The following CFAP299 variants were observed in gnomAD, a reference collection of about 807,000 sequenced individuals.
CFAP299 encodes the protein cilia and flagella associated protein 299.
A neutral mutation model predicts 27.0 loss-of-function variants in CFAP299; 21 were observed. The observed-to-expected ratio is 0.78, with a 90% CI of 0.55 to 1.12. CFAP299 has a LOEUF of 1.12. CFAP299 is among the 50% of genes most tolerant of loss of function. The probability of loss-of-function intolerance (pLI) is 0.00; values close to 1 mark genes in which losing one functional copy is unlikely to be tolerated. For synonymous variants in CFAP299, 104 were observed against 98.1 expected, an observed-to-expected ratio of 1.06 and a Z score of -0.36; for missense variants, 310 against 276.6, an observed-to-expected ratio of 1.12 and a Z score of -0.86.
intron 3 of CFAP299, among the ~76,000 whole-genome samples, chr4:80,622,678 T>G (rs1310253455): frequency 6.6e-6 from 1 of 152,110 alleles, no homozygotes; most frequent in African/African-American, 2.4e-5. Flanking sequence ...AGTGAAAGAT[T>G]AAAAAATTAA....
At position 80,370,714 on chromosome 4, in the gene CFAP299, G is replaced by C. The variant is rs377363274; in HGVS notation, c.242+7830G>C. On this transcript the variant is annotated intron_variant, in intron 2 of 5. Transcript: ENST00000358105. The stretch of plus-strand genomic sequence containing the variant: ...TTACATCCAGGGCATGCTGATGCAA[G>C]GGGGGCTCCCAAGGCCTTGAGCAGC... Among the ~76,000 whole-genome samples, 34 of 152,338 alleles carry C rather than the reference G, an allele frequency of 2.2e-4. 1 individual carries two copies. The highest frequency in any genetic ancestry group is 6.5e-4 in the Admixed American group (10 of 15,306).
rs368268320 is a variant in CFAP299 at position 80,578,448 on chromosome 4, G to A, written c.243-4645G>A. On this transcript the variant is annotated intron_variant, in intron 2 of 5. Coordinates refer to ENST00000358105, the MANE Select transcript of CFAP299 (RefSeq NM_152770.3). The stretch of plus-strand genomic sequence containing the variant: ...TGCTTCGGATAGCTTTGGAGCCAAA[G>A]ATCCTTATCCTCTCTGTCCCAAATT... Among the ~76,000 whole-genome samples the A allele has an allele frequency of 1.2e-4, 18 of 152,212 alleles. No homozygotes were observed. The East Asian group carries it at 3.5e-3, about 29-fold the overall frequency.
At chr4:80,628,571 C>T (rs988320249) in intron 3 of CFAP299, among the ~76,000 whole-genome samples, 2 of 152,100 alleles carry the variant, frequency 1.3e-5, no homozygotes, top group African/African-American at 2.4e-5. Flanking sequence ...AAAATGTTTG[C>T]AAACTGTATA....
Position 80,764,326 on chromosome 4 carries a change from G to A in CFAP299, c.334-105667G>A, listed in dbSNP as rs1157879253. Among the ~76,000 whole-genome samples the A allele has an allele frequency of 7.2e-5, 11 of 152,120 alleles. No homozygotes were observed. The East Asian group carries it at 9.7e-4, about 13-fold the overall frequency. On this transcript the variant is annotated intron_variant, in intron 3 of 5. Transcript: ENST00000358105. ...ACTTCTCAAAAGAAGACATTTATGC[G>A]GCCAACAAACATGAAAAAAAGCTCA...
chr4:80,771,733 C>T (rs1726227937), intron 3 of CFAP299, among the ~76,000 whole-genome samples: 1 of 152,074 alleles, frequency 6.6e-6, no homozygotes, highest in Non-Finnish European at 1.5e-5. Flanking sequence ...TAAGGTGGCC[C>T]CTCCAGCCCC....
chr4:80,591,155 G>T (rs1383488602), intron 3 of CFAP299, among the ~76,000 whole-genome samples: 1 of 118,344 alleles, frequency 8.4e-6, no homozygotes, highest in African/African-American at 3.1e-5. Context: ...ACGGAGTCTC[G>T]CTCTGTCGCC....
At chr4:80,645,566 T>C in intron 3 of CFAP299, among the ~76,000 whole-genome samples, 1 of 152,090 alleles carries the variant, frequency 6.6e-6, no homozygotes, top group East Asian at 1.9e-4. Context: ...AACACACACA[T>C]ATTTACCCTA....
chr4:80,825,702 G>A (rs1340396141), intron 3 of CFAP299, among the ~76,000 whole-genome samples: 3 of 152,002 alleles, frequency 2.0e-5, no homozygotes, highest in Non-Finnish European at 2.9e-5. Flanking sequence ...CAAAAGCAGA[G>A]GGAGCTTATT....
intron 2 of CFAP299, among the ~76,000 whole-genome samples, chr4:80,432,767 C>A (rs1237613082): frequency 1.3e-5 from 2 of 151,854 alleles, no homozygotes; most frequent in African/African-American, 2.4e-5. Flanking sequence ...TCTAATCCAC[C>A]CACCTCGGCC....
At chr4:80,618,375 A>G (rs1324068604) in intron 3 of CFAP299, among the ~76,000 whole-genome samples, 1 of 152,156 alleles carries the variant, frequency 6.6e-6, no homozygotes, top group Non-Finnish European at 1.5e-5. Context: ...TTCTCAAACA[A>G]TGAATACTAC....
At chr4:80,478,622 A>G (rs949006082) in intron 2 of CFAP299, among the ~76,000 whole-genome samples, 3 of 152,252 alleles carry the variant, frequency 2.0e-5, no homozygotes, top group African/African-American at 7.2e-5. Context: ...ATAAATATGT[A>G]TACCCAGTGA....
At chr4:80,360,316 A>T (rs933441404) in intron 1 of CFAP299, among the ~76,000 whole-genome samples, 1 of 152,140 alleles carries the variant, frequency 6.6e-6, no homozygotes, top group Admixed American at 6.5e-5. Flanking sequence ...AGGGGGAGTG[A>T]GCCCCTCCTG....
At position 80,588,397 on chromosome 4, in the gene CFAP299, G is replaced by GA. The variant is rs111466627; in HGVS notation, c.333+5223dup. On this transcript the variant is annotated intron_variant, in intron 3 of 5. Transcript: ENST00000358105. Reference sequence around the variant, plus strand: ...AAAGCTTAGTTCTAGCCATTTTAGGGAAAAAAAAAGTATGTCATTGTTTCA... The same window carrying GA: ...AAAGCTTAGTTCTAGCCATTTTAGGGAAAAAAAAAAGTATGTCATTGTTTCA... Among the ~76,000 whole-genome samples, 51 of 148,822 alleles carry GA rather than the reference G, an allele frequency of 3.4e-4. 1 individual carries two copies. The Middle Eastern group carries it at 0.01, about 30-fold the overall frequency.
intron 3 of CFAP299, among the ~76,000 whole-genome samples, chr4:80,627,911 A>G (rs905787083): frequency 6.6e-6 from 1 of 152,134 alleles, no homozygotes; most frequent in Admixed American, 6.6e-5. Context: ...CATACTACCC[A>G]AAGCAAGCTA....
At position 80,455,940 on chromosome 4, in the gene CFAP299, C is replaced by A. The variant is rs377536582; in HGVS notation, c.242+93056C>A. 3.0e-3 allele frequency among the ~76,000 whole-genome samples: 449 copies of A among 148,864 alleles called. 3 individuals are homozygous for A. The highest frequency in any genetic ancestry group is 0.028 in the Middle Eastern group (8 of 288). On this transcript the variant is annotated intron_variant, in intron 2 of 5. Coordinates refer to ENST00000358105, the MANE Select transcript of CFAP299 (RefSeq NM_152770.3). ...TTATGTTTTAGTTGGGGAAGGTAGA[C>A]AATAAAGAAATAAAAAAAAAGATAT... is the stretch of plus-strand genomic sequence containing the variant.
chr4:80,673,801 T>A (rs984792536), intron 3 of CFAP299, among the ~76,000 whole-genome samples: 1 of 152,090 alleles, frequency 6.6e-6, no homozygotes, highest in Non-Finnish European at 1.5e-5. Context: ...CTTTGTTGGT[T>A]TAAAGTATGT....
chr4:80,712,778 CTT>C (rs1316415345), intron 3 of CFAP299, among the ~76,000 whole-genome samples: 4 of 152,056 alleles, frequency 2.6e-5, no homozygotes, highest in Non-Finnish European at 5.9e-5. Flanking sequence ...GATCTGTTGA[CTT>C]TTAGATTTTA....
chr4:80,775,690 G>A (rs1012951879), intron 3 of CFAP299, among the ~76,000 whole-genome samples: 2 of 151,932 alleles, frequency 1.3e-5, no homozygotes, highest in African/African-American at 4.8e-5. Flanking sequence ...TTTGTAAAAA[G>A]GCTTAAAATC....
At chr4:80,528,055 G>A (rs1390195060) in intron 2 of CFAP299, among the ~76,000 whole-genome samples, 2 of 152,018 alleles carry the variant, frequency 1.3e-5, no homozygotes, top group Non-Finnish European at 2.9e-5. Context: ...ACAATTCTTG[G>A]GATCTGGCAG....
Sources: allele counts gnomAD v4.1 joint callset (sites outside exome capture counted in the v4.1 genomes callset), GRCh38; gene constraint gnomAD v4.1.1; transcripts MANE v1.5; gene names NCBI Gene and HGNC (gene_info 2026-07-23, HGNC 2026-07-21).